Variants in SHROOM4 observed in about 807,000 individuals in gnomAD.
SHROOM4 encodes shroom family member 4.
A neutral mutation model predicts 80.3 loss-of-function variants in SHROOM4; 17 were observed. The observed-to-expected ratio is 0.21, with a 90% CI of 0.14 to 0.32. The LOEUF (loss-of-function observed/expected upper bound fraction) is 0.32, where lower values mean the gene tolerates loss of function less well. SHROOM4 is among the 10% of genes least tolerant of loss of function. SHROOM4 has a pLI of 1.00. For synonymous variants in SHROOM4, 400 were observed against 437.5 expected (o/e 0.91, Z 1.07); for missense variants, 993 against 1,140.3 (o/e 0.87, Z 1.86).
At chrX:50,655,451 CT>C (rs1351994540) in intron 2 of SHROOM4, among the ~76,000 whole-genome samples, 1 of 106,605 alleles carries the variant, frequency 9.4e-6, no homozygotes, top group African/African-American at 3.4e-5. Flanking sequence ...GGATTTCCTT[CT>C]TTTTTATGGC....
chrX:50,795,793 C>T (rs1557272070), intron 1 of SHROOM4, among the ~76,000 whole-genome samples: 1 of 111,884 alleles, frequency 8.9e-6, no homozygotes, highest in Non-Finnish European at 1.9e-5. Context: ...CTGGGTAAAC[C>T]ATTTGGATTT....
At chrX:50,637,576 A>G (rs1383403033) in intron 3 of SHROOM4, among the ~76,000 whole-genome samples, 1 of 112,675 alleles carries the variant, frequency 8.9e-6, no homozygotes, top group African/African-American at 3.2e-5. Flanking sequence ...CGCAACCCTT[A>G]GTTTCTCTGA....
chrX:50,796,003 G>A (rs2147717944), intron 1 of SHROOM4, among the ~76,000 whole-genome samples: 2 of 112,034 alleles, frequency 1.8e-5, no homozygotes, highest in South Asian at 3.8e-4. Context: ...GGGGAAGATA[G>A]GAGCCATATT....
chrX:50,791,452 T>C (rs1443931420), intron 1 of SHROOM4, among the ~76,000 whole-genome samples: 2 of 109,175 alleles, frequency 1.8e-5, no homozygotes, highest in Non-Finnish European at 3.8e-5. Flanking sequence ...CTCACTCTTT[T>C]ACCCAGACTG....
chrX:50,738,328 G>A (rs1258850383), intron 1 of SHROOM4, among the ~76,000 whole-genome samples: 2 of 110,854 alleles, frequency 1.8e-5, no homozygotes, highest in Non-Finnish European at 1.9e-5. Context: ...GTTCTGGCCC[G>A]GGCAATCACG....
intron 2 of SHROOM4, among the ~76,000 whole-genome samples, chrX:50,678,752 C>T (rs1932887795): frequency 9.0e-6 from 1 of 111,332 alleles, no homozygotes; most frequent in Non-Finnish European, 1.9e-5. Context: ...CACTCTCACA[C>T]TCAACTTTTG....
At chrX:50,691,418 T>C (rs1933218800) in intron 2 of SHROOM4, among the ~76,000 whole-genome samples, 1 of 111,486 alleles carries the variant, frequency 9.0e-6, no homozygotes, top group Non-Finnish European at 1.9e-5. Flanking sequence ...TAGGAAAAAG[T>C]GAGACTGAAA....
intron 4 of SHROOM4, among the ~76,000 whole-genome samples, chrX:50,630,282 G>T (rs1273523233): frequency 1.0e-5 from 1 of 99,970 alleles, no homozygotes; most frequent in African/African-American, 3.8e-5. Context: ...GTCTATCTGT[G>T]AGTCCTTCTT....
rs138676318 is a variant in SHROOM4 at position 50,633,620 on chromosome X, C to T, written c.2453G>A (p.Cys818Tyr). 80 of 1,210,470 alleles carry T rather than the reference C, an allele frequency of 6.6e-5. No homozygotes were observed. In the African/African-American group the frequency reaches 1.2e-3, roughly 18 times the overall value. The change falls in exon 4 of 9, where the codon TGT (cysteine) becomes TAT (tyrosine). Residue 818 changes from cysteine to tyrosine, a missense_variant. By Grantham distance (194) the Cys-to-Tyr change is radical. Coordinates refer to ENST00000376020, the MANE Select transcript of SHROOM4 (RefSeq NM_020717.5). ...CATGGGATGGCGCCTCAATTCCCTA[C>T]AGCTGGAGCTCATTGGCTGGAAGTT... ...DQNFQPMSSS[C>Y]RELRRHPMDQ...
chrX:50,804,071 A>G (rs984897115), intron 1 of SHROOM4, among the ~76,000 whole-genome samples: 2 of 112,039 alleles, frequency 1.8e-5, no homozygotes, highest in African/African-American at 3.2e-5. Flanking sequence ...TTTAGGCTCA[A>G]AATTTTCTTA....
At chrX:50,681,615 C>A (rs1932942148) in intron 2 of SHROOM4, among the ~76,000 whole-genome samples, 2 of 111,980 alleles carry the variant, frequency 1.8e-5, no homozygotes, top group Admixed American at 9.5e-5. Context: ...CCTACCACAC[C>A]CACATTTAGT....
At chrX:50,633,064 C>T in intron 4 of SHROOM4, 114 bp downstream of exon 4, 1 of 772,875 alleles carries the variant, frequency 1.3e-6, no homozygotes. Context: ...ACTACTGAAG[C>T]CAGTGCTGTA....
At chrX:50,769,158 A>G (rs1935344720) in intron 1 of SHROOM4, among the ~76,000 whole-genome samples, 1 of 106,870 alleles carries the variant, frequency 9.4e-6, no homozygotes, top group Admixed American at 1.0e-4. Flanking sequence ...GGAAAAAAAG[A>G]GGAAAGGAAG....
chrX:50,658,980 A>G (rs782010410), intron 2 of SHROOM4, among the ~76,000 whole-genome samples: 1 of 112,035 alleles, frequency 8.9e-6, no homozygotes, highest in East Asian at 2.8e-4. Context: ...TGCATAATAC[A>G]GAATATATAA....
At chrX:50,635,756 G>T in intron 3 of SHROOM4, 88 bp from the exon 4 acceptor site, 1 of 836,987 alleles carries the variant, frequency 1.2e-6, no homozygotes, top group Non-Finnish European at 1.7e-6. Context: ...AGGTACCCAT[G>T]CCACAAAAGA....
intron 2 of SHROOM4, among the ~76,000 whole-genome samples, chrX:50,641,050 T>G (rs926922999): frequency 1.8e-5 from 2 of 112,591 alleles, no homozygotes. Context: ...TCCCTCTGCC[T>G]GGAATGCCCC....
At chrX:50,611,816 A>C (rs1242400336) in intron 5 of SHROOM4, among the ~76,000 whole-genome samples, 2 of 110,930 alleles carry the variant, frequency 1.8e-5, no homozygotes, top group Non-Finnish European at 3.8e-5. Context: ...GCTACTCGGG[A>C]GGCTGAGGCA....
At chrX:50,739,342 A>C (rs1602476836) in intron 1 of SHROOM4, among the ~76,000 whole-genome samples, 2 of 111,824 alleles carry the variant, frequency 1.8e-5, no homozygotes, top group Admixed American at 9.5e-5. Context: ...GGATCTAATT[A>C]AACTAAAGAG....
At chrX:50,585,848 T>C (rs1569546149), downstream of SHROOM4, among the ~76,000 whole-genome samples, 1 of 62,903 alleles carries the variant, frequency 1.6e-5, no homozygotes, top group Non-Finnish European at 3.2e-5. Context: ...TTATCTTTTG[T>C]CAAAACTGGA....
Sources: allele counts gnomAD v4.1 joint callset (sites outside exome capture counted in the v4.1 genomes callset), GRCh38; gene constraint gnomAD v4.1.1; transcripts MANE v1.5; gene names NCBI Gene and HGNC (gene_info 2026-07-23, HGNC 2026-07-21).